The following ZCCHC7 variants were observed in gnomAD, a reference collection of about 807,000 sequenced individuals.
ZCCHC7 encodes the protein zinc finger CCHC domain-containing protein 7.
ZCCHC7 carries 35 observed loss-of-function variants against 52.0 expected under a neutral mutation model. The observed-to-expected ratio is 0.67, with a 90% confidence interval of 0.51 to 0.89. The LOEUF (loss-of-function observed/expected upper bound fraction) is 0.89. ZCCHC7 is among the 40% of genes least tolerant of loss of function. The pLI is 0.00. For missense variants in ZCCHC7, 574 were observed against 649.1 expected, an observed-to-expected ratio of 0.88 and a Z score of 1.26; for synonymous variants, 217 against 221.5, an observed-to-expected ratio of 0.98 and a Z score of 0.18.
At chr9:37,140,092 C>T (rs1215303696) in intron 2 of ZCCHC7, among the ~76,000 whole-genome samples, 1 of 151,910 alleles carries the variant, frequency 6.6e-6, no homozygotes, top group East Asian at 1.9e-4. Context: ...AGGAGATTTT[C>T]TTTAAAGAGA....
chr9:37,125,814 T>G (rs953669763), intron 1 of ZCCHC7, among the ~76,000 whole-genome samples: 2 of 152,250 alleles, frequency 1.3e-5, no homozygotes, highest in Non-Finnish European at 2.9e-5. Flanking sequence ...AGACAGACAG[T>G]GTGACTGTGG....
intron 2 of ZCCHC7, among the ~76,000 whole-genome samples, chr9:37,200,237 TCTC>T (rs1823564072): frequency 1.3e-5 from 2 of 152,096 alleles, no homozygotes; most frequent in African/African-American, 4.8e-5. Context: ...ATCTTTCAAC[TCTC>T]CTCCTTTTTT....
At chr9:37,288,613 C>T (rs1157700762) in intron 2 of ZCCHC7, among the ~76,000 whole-genome samples, 1 of 152,102 alleles carries the variant, frequency 6.6e-6, no homozygotes, top group East Asian at 1.9e-4. Flanking sequence ...ATCACCATTC[C>T]ATCCAAACTT....
At chr9:37,214,224 A>G (rs895677081) in intron 2 of ZCCHC7, among the ~76,000 whole-genome samples, 7 of 152,060 alleles carry the variant, frequency 4.6e-5, no homozygotes, top group African/African-American at 1.2e-4. Flanking sequence ...TGAGTATACT[A>G]TGTAAGTTCA....
chr9:37,317,509 CA>C (rs1829873937), intron 5 of ZCCHC7, among the ~76,000 whole-genome samples: 1 of 152,072 alleles, frequency 6.6e-6, no homozygotes, highest in African/African-American at 2.4e-5. Flanking sequence ...GTCAGGAGTT[CA>C]AGACCAGCCC....
intron 6 of ZCCHC7, among the ~76,000 whole-genome samples, chr9:37,338,571 G>A (rs895335804): frequency 6.6e-6 from 1 of 152,080 alleles, no homozygotes; most frequent in African/African-American, 2.4e-5. Context: ...CAGAGATACA[G>A]GAAATATCAA....
At chr9:37,178,488 A>C (rs1442715649) in intron 2 of ZCCHC7, among the ~76,000 whole-genome samples, 1 of 152,018 alleles carries the variant, frequency 6.6e-6, no homozygotes, top group African/African-American at 2.4e-5. Flanking sequence ...GAAAGTAGAA[A>C]GAGAGGAAAG....
At chr9:37,194,755 A>T (rs547865770) in intron 2 of ZCCHC7, among the ~76,000 whole-genome samples, 1 of 152,274 alleles carries the variant, frequency 6.6e-6, no homozygotes, top group African/African-American at 2.4e-5. Flanking sequence ...GACAAATTGA[A>T]TCTCTAACAA....
intron 2 of ZCCHC7, among the ~76,000 whole-genome samples, chr9:37,231,726 G>A (rs192148981): frequency 9.6e-4 from 146 of 152,214 alleles, no homozygotes; most frequent in African/African-American, 3.4e-3. Flanking sequence ...TTAAAACTGA[G>A]CAGACTCTCA....
At chr9:37,297,438 G>A (rs951185782) in intron 2 of ZCCHC7, among the ~76,000 whole-genome samples, 7 of 152,168 alleles carry the variant, frequency 4.6e-5, no homozygotes, top group Non-Finnish European at 1.0e-4. Flanking sequence ...AAGGAAAGTT[G>A]CATTTACATT....
At chr9:37,177,854 A>G (rs145192628) in intron 2 of ZCCHC7, among the ~76,000 whole-genome samples, 2,306 of 152,296 alleles carry the variant, frequency 0.015, 59 homozygotes, top group African/African-American at 0.053. Context: ...AAAGTCAGAG[A>G]TACTGTCACA....
At chr9:37,214,923 GA>G (rs1824425314) in intron 2 of ZCCHC7, among the ~76,000 whole-genome samples, 3 of 151,968 alleles carry the variant, frequency 2.0e-5, no homozygotes, top group African/African-American at 7.2e-5. Flanking sequence ...AGATATTTCT[GA>G]TGTAATCTTA....
intron 2 of ZCCHC7, among the ~76,000 whole-genome samples, chr9:37,242,824 G>A (rs953877492): frequency 6.6e-6 from 1 of 151,522 alleles, no homozygotes; most frequent in African/African-American, 2.4e-5. Context: ...CTTTACATAC[G>A]CTTAAACAAA....
chr9:37,155,221 C>T (rs917554426), intron 2 of ZCCHC7, among the ~76,000 whole-genome samples: 10 of 151,980 alleles, frequency 6.6e-5, no homozygotes, highest in East Asian at 1.9e-4. Flanking sequence ...ATTAGCCGGG[C>T]GTGGTGGTGG....
chr9:37,302,504 A>G (rs1189674384), intron 3 of ZCCHC7, among the ~76,000 whole-genome samples: 1 of 152,214 alleles, frequency 6.6e-6, no homozygotes, highest in East Asian at 1.9e-4. Context: ...AAAAAGATCA[A>G]CACCGGAAAT....
At chr9:37,293,512 G>A (rs1479934961) in intron 2 of ZCCHC7, among the ~76,000 whole-genome samples, 1 of 152,054 alleles carries the variant, frequency 6.6e-6, no homozygotes, top group African/African-American at 2.4e-5. Context: ...ATTTATGCTT[G>A]TCATTTTACA....
At chr9:37,123,632 GTAA>G (rs1339248088) in intron 1 of ZCCHC7, among the ~76,000 whole-genome samples, 1 of 152,132 alleles carries the variant, frequency 6.6e-6, no homozygotes, top group Non-Finnish European at 1.5e-5. Flanking sequence ...TTGTAACTTT[GTAA>G]TTTGGCTTTT....
intron 2 of ZCCHC7, among the ~76,000 whole-genome samples, chr9:37,284,997 G>A (rs1184625008): frequency 6.6e-6 from 1 of 152,002 alleles, no homozygotes; most frequent in Non-Finnish European, 1.5e-5. Flanking sequence ...TAGAAGTTTT[G>A]TTATAAAAAG....
intron 2 of ZCCHC7, among the ~76,000 whole-genome samples, chr9:37,230,005 C>A: frequency 6.6e-6 from 1 of 152,250 alleles, no homozygotes; most frequent in South Asian, 2.1e-4. Flanking sequence ...CTAATAGGAT[C>A]AGGATCGTTA....
Sources: allele counts gnomAD v4.1 joint callset (sites outside exome capture counted in the v4.1 genomes callset), GRCh38; gene constraint gnomAD v4.1.1; transcripts MANE v1.5; gene names NCBI Gene and HGNC (gene_info 2026-07-23, HGNC 2026-07-21).